SNTB1: variants seen among roughly 807,000 people sequenced by gnomAD.
SNTB1 encodes beta-1-syntrophin.
Under a neutral mutation model 48.9 loss-of-function variants are expected in SNTB1, and 36 were observed. The ratio of observed to expected loss-of-function variants is 0.74; its 90% CI spans 0.56 to 0.97. SNTB1 has a LOEUF of 0.97. SNTB1 is among the 50% of genes least tolerant of loss of function. The pLI, the probability that SNTB1 is intolerant of heterozygous loss-of-function variation, is 0.00. For synonymous variants in SNTB1, 299 were observed against 294.6 expected, an observed-to-expected ratio of 1.01 and a Z score of -0.15; for missense variants, 786 against 703.4, an observed-to-expected ratio of 1.12 and a Z score of -1.33.
intron 2 of SNTB1, among the ~76,000 whole-genome samples, chr8:120,652,774 A>C (rs768760298): frequency 5.3e-5 from 8 of 152,114 alleles, no homozygotes; most frequent in Non-Finnish European, 1.2e-4. Context: ...TTGTGACCTG[A>C]TGTTAGTAGT....
intron 3 of SNTB1, among the ~76,000 whole-genome samples, chr8:120,620,949 TTTTC>T (rs1191783895): frequency 8.8e-6 from 1 of 114,058 alleles, no homozygotes; most frequent in African/African-American, 2.6e-5. Flanking sequence ...CTCTCTTTTC[TTTTC>T]TTTCTTTTTT....
intron 3 of SNTB1, among the ~76,000 whole-genome samples, chr8:120,622,081 A>G (rs1426310137): frequency 1.3e-5 from 2 of 152,224 alleles, no homozygotes; most frequent in East Asian, 3.8e-4. Flanking sequence ...GAACTAAATA[A>G]GAAGCAGCCT....
intron 1 of SNTB1, among the ~76,000 whole-genome samples, chr8:120,715,267 G>C (rs1001781160): frequency 6.6e-6 from 1 of 152,178 alleles, no homozygotes; most frequent in South Asian, 2.1e-4. Context: ...GTCTCATTAA[G>C]CTCACAGTAT....
chr8:120,595,590 C>A (rs979451689), intron 3 of SNTB1, among the ~76,000 whole-genome samples: 16 of 146,040 alleles, frequency 1.1e-4, no homozygotes, highest in Non-Finnish European at 3.0e-5. Context: ...CCTCTAATTT[C>A]TTTTTTTTTT....
chr8:120,641,025 G>C (rs1322016669), intron 2 of SNTB1, among the ~76,000 whole-genome samples: 1 of 151,968 alleles, frequency 6.6e-6, no homozygotes, highest in Non-Finnish European at 1.5e-5. Flanking sequence ...TTGGTTGGTA[G>C]GCCCAATAGC....
intron 1 of SNTB1, among the ~76,000 whole-genome samples, chr8:120,752,148 G>T (rs1819228956): frequency 6.6e-6 from 1 of 152,104 alleles, no homozygotes; most frequent in Non-Finnish European, 1.5e-5. Context: ...AGAAGGGCAG[G>T]TGTATGTGGT....
chr8:120,753,583 C>T (rs1819259161), intron 1 of SNTB1, among the ~76,000 whole-genome samples: 1 of 152,136 alleles, frequency 6.6e-6, no homozygotes, highest in Admixed American at 6.5e-5. Flanking sequence ...TCCCTGAGGG[C>T]AGGAACAGAA....
chr8:120,687,200 T>C (rs1818048878), intron 2 of SNTB1, among the ~76,000 whole-genome samples: 1 of 152,232 alleles, frequency 6.6e-6, no homozygotes, highest in Non-Finnish European at 1.5e-5. Context: ...CTCCCTTGTT[T>C]GTAGCCACCA....
rs187199930 is a variant in SNTB1 at position 120,799,533 on chromosome 8, T to C, written c.571+11740A>G. ...GAACTTAGAGATATGATAGATGGAA[T>C]GAAAAATCAATACAAGAGTTGTACA... On this transcript the variant is annotated intron_variant, in intron 1 of 6. Coordinates refer to ENST00000517992, the MANE Select transcript of SNTB1 (RefSeq NM_021021.4). Among the ~76,000 whole-genome samples the C allele has an allele frequency of 2.9e-3, 442 of 151,432 alleles. 3 individuals carry two copies. Among genetic ancestry groups the C allele is most frequent in the African/African-American group, 0.01 (433 of 41,240 alleles).
intron 4 of SNTB1, among the ~76,000 whole-genome samples, chr8:120,551,416 C>G (rs1050472240): frequency 6.6e-6 from 1 of 152,036 alleles, no homozygotes; most frequent in South Asian, 2.1e-4. Context: ...GCATGTTAAA[C>G]TGAAAAAGGA....
At chr8:120,750,654 G>A (rs1819197380) in intron 1 of SNTB1, among the ~76,000 whole-genome samples, 1 of 151,960 alleles carries the variant, frequency 6.6e-6, no homozygotes, top group Admixed American at 6.6e-5. Flanking sequence ...TGAATACACT[G>A]GGGTGTATCT....
chr8:120,635,816 C>T, intron 2 of SNTB1: 1 of 279,448 alleles, frequency 3.6e-6, no homozygotes, highest in Non-Finnish European at 7.3e-6. Flanking sequence ...TAAGAAGAGT[C>T]ATATGTACTT....
At chr8:120,569,072 C>G (rs1424450916) in intron 4 of SNTB1, among the ~76,000 whole-genome samples, 1 of 152,182 alleles carries the variant, frequency 6.6e-6, no homozygotes, top group East Asian at 1.9e-4. Context: ...ATGCCGCCTC[C>G]CAGGTTCAAG....
At chr8:120,559,291 G>A (rs562635293) in intron 4 of SNTB1, among the ~76,000 whole-genome samples, 1 of 152,188 alleles carries the variant, frequency 6.6e-6, no homozygotes, top group African/African-American at 2.4e-5. Context: ...GGGAGGTAGA[G>A]TTACCTTCTT....
At chr8:120,673,748 CT>C (rs1817791990) in intron 2 of SNTB1, among the ~76,000 whole-genome samples, 1 of 186 alleles carries the variant, frequency 5.4e-3, no homozygotes, top group African/African-American at 0.025. Context: ...GACAATGTCC[CT>C]CCCAAAGGCC....
intron 5 of SNTB1, among the ~76,000 whole-genome samples, chr8:120,546,749 C>T (rs147938493): frequency 2.6e-5 from 4 of 152,252 alleles, no homozygotes; most frequent in South Asian, 4.1e-4. Flanking sequence ...GAATTACAGG[C>T]GTGAGCCACC....
Position 120,541,859 on chromosome 8 carries a change from T to A in SNTB1, c.1475A>T (p.Asp492Val). 3 of 1,613,920 alleles carry A rather than the reference T, an allele frequency of 1.9e-6. No homozygotes were observed. The South Asian group carries it at 3.3e-5, about 18-fold the overall frequency. ...ATCTAAATACAGCATCCTGATTCCA[T>A]CATCTGAAGACATTTTGAGCTTTTC... ...PYEKLKMSSD[D>V]GIRMLYLDFG... Residue 492 changes from aspartate to valine, a missense_variant, in exon 6 of 7, where the codon GAT becomes GTT. By Grantham distance (152) the Asp-to-Val change is radical (BLOSUM62 -3). Transcript: ENST00000517992.
chr8:120,707,128 T>C (rs1330051186), intron 1 of SNTB1, among the ~76,000 whole-genome samples: 1 of 152,202 alleles, frequency 6.6e-6, no homozygotes, highest in Non-Finnish European at 1.5e-5. Context: ...TGCATGCTTA[T>C]TGTCACCCTC....
intron 3 of SNTB1, among the ~76,000 whole-genome samples, chr8:120,586,773 G>A (rs1420529941): frequency 6.6e-6 from 1 of 152,160 alleles, no homozygotes; most frequent in African/African-American, 2.4e-5. Context: ...AACGTATGGA[G>A]CGAAATGACA....
Sources: gnomAD v4.1 joint callset for allele counts (sites outside exome capture counted in the v4.1 genomes callset) on GRCh38, gnomAD v4.1.1 for gene constraint, MANE v1.5 for transcripts, NCBI Gene and HGNC (gene_info 2026-07-23, HGNC 2026-07-21) for gene names.